Variants in FHL1 observed in about 807,000 individuals in gnomAD.
FHL1 encodes four and a half LIM domains protein 1.
FHL1 carries 1 observed loss-of-function variant against 20.3 expected under a neutral mutation model. The ratio of observed to expected loss-of-function variants is 0.05; its 90% CI spans 0.02 to 0.23. FHL1 has a LOEUF of 0.23. Ranked by LOEUF, FHL1 falls within the 10% of genes least tolerant of loss-of-function variation. The pLI is 1.00. For synonymous variants in FHL1, 82 were observed against 88.9 expected (o/e 0.92, Z 0.44); for missense variants, 177 against 234.0 (o/e 0.76, Z 1.59).
chrX:136,154,581 T>C (rs139223538), intron 1 of FHL1, among the ~76,000 whole-genome samples: 102 of 112,703 alleles, frequency 9.1e-4, no homozygotes, highest in African/African-American at 3.2e-3. Flanking sequence ...GTTGAAATTG[T>C]GGGATAGAGA....
intron 3 of FHL1, chrX:136,207,572 A>C: frequency 2.3e-6 from 1 of 443,887 alleles, no homozygotes. Context: ...GGATTCAGGC[A>C]CTGGATCCTA....
intron 2 of FHL1, among the ~76,000 whole-genome samples, 195 bp downstream of exon 2, chrX:136,206,783 G>A (rs113020190): frequency 8.8e-6 from 1 of 113,478 alleles, no homozygotes; most frequent in Non-Finnish European, 1.9e-5. Flanking sequence ...CTGGATGGGC[G>A]CCAGCGCCCT....
At position 136,210,071 on chromosome X, in the gene FHL1, CTT is replaced by C. The variant is rs1171435653; in HGVS notation, c.*48_*49del. 8.3e-7 allele frequency: 1 copy of C among 1,204,415 alleles called. No individual in the cohort carries two copies. The highest frequency in any genetic ancestry group is 1.8e-5 in the African/African-American group (1 of 56,761). On this transcript the variant is annotated 3_prime_UTR_variant, in exon 6 of 6. Coordinates refer to ENST00000370683, the MANE Select transcript of FHL1 (RefSeq NM_001159699.2). ...TGTAAAATGGCATTTGAATCTCGTT[CTT>C]TGTGTCCTTACTTTCTGCCCTATAC...
chrX:136,209,274 A>G, intron 5 of FHL1: 15 of 1,210,591 alleles, frequency 1.2e-5, no homozygotes, highest in Non-Finnish European at 1.3e-5. Flanking sequence ...TGAGCCACCC[A>G]GTCTCTAAAG....
intron 1 of FHL1, among the ~76,000 whole-genome samples, chrX:136,153,286 G>GC (rs1177976033): frequency 7.8e-4 from 80 of 103,108 alleles, no homozygotes; most frequent in Non-Finnish European, 1.3e-3. Flanking sequence ...GCGGGAGGTG[G>GC]GGGGGGGCAG....
chrX:136,192,227 C>A (rs1185710383), upstream of FHL1, among the ~76,000 whole-genome samples: 1 of 111,630 alleles, frequency 9.0e-6, no homozygotes, highest in African/African-American at 3.3e-5. Context: ...CCTAGGCATG[C>A]TCTGAAAGTC....
intron 2 of FHL1, among the ~76,000 whole-genome samples, chrX:136,180,102 T>A (rs773871069): frequency 8.9e-6 from 1 of 112,103 alleles, no homozygotes; most frequent in Non-Finnish European, 1.9e-5. Context: ...TGGTGGTGGC[T>A]AAGAAGACGT....
chrX:136,200,115 T>G (rs1005846527), intron 1 of FHL1, among the ~76,000 whole-genome samples: 2 of 112,174 alleles, frequency 1.8e-5, no homozygotes, highest in Non-Finnish European at 3.8e-5. Context: ...GGAAGCTTGT[T>G]TATTAAGTGA....
At chrX:136,202,976 T>A (rs1326323946) in intron 1 of FHL1, among the ~76,000 whole-genome samples, 2 of 112,419 alleles carry the variant, frequency 1.8e-5, no homozygotes, top group African/African-American at 6.5e-5. Context: ...TCCTCCAACT[T>A]CATCCTGAGC....
intron 1 of FHL1, among the ~76,000 whole-genome samples, chrX:136,200,387 T>C (rs1281443864): frequency 1.8e-5 from 2 of 111,988 alleles, no homozygotes; most frequent in Non-Finnish European, 3.8e-5. Flanking sequence ...GGAAATAGTA[T>C]GTCATATTGC....
chrX:136,210,293 T>A lies in FHL1; in HGVS notation c.*268T>A. 1 of 460,454 alleles carries A rather than the reference T, an allele frequency of 2.2e-6. No homozygotes were observed. The highest frequency in any genetic ancestry group is 3.9e-6 in the Non-Finnish European group (1 of 253,971). 37.9% of individuals were successfully genotyped at this position (460,454 alleles called of 1,213,427 possible). On this transcript the variant is annotated 3_prime_UTR_variant, in exon 6 of 6. Coordinates refer to ENST00000370683, the MANE Select transcript of FHL1 (RefSeq NM_001159699.2). ...ACTTAGGTAGATTGACTCTTCTGCA[T>A]GTTTCTCATAGAGCAGAAAAGTGCT...
intron 1 of FHL1, among the ~76,000 whole-genome samples, chrX:136,161,039 T>C (rs765957707): frequency 3.6e-5 from 4 of 111,779 alleles, no homozygotes; most frequent in Non-Finnish European, 7.5e-5. Context: ...ATTGGAAAAA[T>C]GGCAAAAGTC....
chrX:136,197,190 T>A (rs1444525629), intron 1 of FHL1, 56 bp downstream of exon 1: 3 of 1,045,539 alleles, frequency 2.9e-6, no homozygotes, highest in Non-Finnish European at 4.0e-6. Context: ...GGGCAGTGAA[T>A]CCGTCATTGG....
chrX:136,191,523 A>C (rs1459477735), intron 2 of FHL1, among the ~76,000 whole-genome samples: 1 of 112,148 alleles, frequency 8.9e-6, no homozygotes, highest in African/African-American at 3.2e-5. Context: ...GGTTCAGATG[A>C]TCTACTGACC....
At chrX:136,157,291 C>G (rs979184259) in intron 1 of FHL1, among the ~76,000 whole-genome samples, 1 of 111,308 alleles carries the variant, frequency 9.0e-6, no homozygotes, top group Admixed American at 9.6e-5. Flanking sequence ...CCAATCCCTT[C>G]TAGGCCACAG....
At chrX:136,207,620 C>T (rs756086407) in intron 3 of FHL1, 172 bp from the exon 4 acceptor site, 2 of 510,059 alleles carry the variant, frequency 3.9e-6, no homozygotes, top group African/African-American at 2.4e-5. Flanking sequence ...TGACAGAAAT[C>T]CTGGGTTGGC....
intron 1 of FHL1, among the ~76,000 whole-genome samples, chrX:136,202,174 G>A (rs1327073257): frequency 1.8e-5 from 2 of 110,745 alleles, no homozygotes; most frequent in Non-Finnish European, 3.8e-5. Context: ...AGACCAGCCT[G>A]CCCGACATGG....
chrX:136,187,997 A>G (rs944986247), intron 2 of FHL1, among the ~76,000 whole-genome samples: 3 of 112,114 alleles, frequency 2.7e-5, no homozygotes, highest in African/African-American at 9.7e-5. Flanking sequence ...ATAAAATAAC[A>G]TAGCAAAACA....
intron 2 of FHL1, among the ~76,000 whole-genome samples, chrX:136,184,332 G>C (rs1251294876): frequency 9.0e-6 from 1 of 111,728 alleles, no homozygotes; most frequent in Non-Finnish European, 1.9e-5. Flanking sequence ...TGTGAGGAAT[G>C]GAGGCTAAAC....
Sources: allele counts gnomAD v4.1 joint callset (sites outside exome capture counted in the v4.1 genomes callset), GRCh38; gene constraint gnomAD v4.1.1; transcripts MANE v1.5; gene names NCBI Gene and HGNC (gene_info 2026-07-23, HGNC 2026-07-21).